LAMA1: variants seen among roughly 807,000 people sequenced by gnomAD.
LAMA1 encodes laminin subunit alpha 1, also known as laminin subunit alpha-1.
A neutral mutation model predicts 348.7 loss-of-function variants in LAMA1; 219 were observed. That is an observed-to-expected ratio of 0.63 (90% confidence interval 0.56 to 0.70). LAMA1 has a LOEUF of 0.70. Among genes scored for constraint, LAMA1 ranks in the 30% least tolerant of loss-of-function variants. The pLI, the probability that LAMA1 is intolerant of heterozygous loss-of-function variation, is 0.00. For missense variants in LAMA1, 3,744 were observed against 3,888.0 expected (o/e 0.96, Z 0.99); for synonymous variants, 1,487 against 1,491.0 (o/e 1.00, Z 0.06).
chr18:6,993,736 GC>G lies in LAMA1; in HGVS notation c.4912del (p.Ala1638ArgfsTer6). 1 of 1,609,252 alleles carries G rather than the reference GC, an allele frequency of 6.2e-7. No individual in the cohort carries two copies. The highest frequency in any genetic ancestry group is 8.5e-7 in the Non-Finnish European group (1 of 1,175,550). ...NLQKKLTRML[A>X]STQKVNRATE... is the part of the protein sequence containing the mutation. ...TGCCCTATTCACCTTTTGGGTACTC[GC>G]TAACATCCTAGTGAGCTGGTGGAAA... On this transcript the variant is annotated frameshift_variant, in exon 35 of 63. Coordinates refer to ENST00000389658, the MANE Select transcript of LAMA1 (RefSeq NM_005559.4). LOFTEE classifies it high-confidence loss of function.
chr18:7,035,938 GC>G, intron 13 of LAMA1, 48 bp downstream of exon 13: 1 of 1,443,120 alleles, frequency 6.9e-7, no homozygotes, highest in South Asian at 1.1e-5. Context: ...TAAACTATCA[GC>G]CCACTAAGCC....
intron 3 of LAMA1, among the ~76,000 whole-genome samples, chr18:7,064,042 T>C (rs2058112836): frequency 6.6e-6 from 1 of 152,114 alleles, no homozygotes; most frequent in Admixed American, 6.5e-5. Flanking sequence ...CTCCCCCTGC[T>C]GATGTCTAGT....
In LAMA1 at chr18:7,094,938, TGAA is replaced by T. The variant is rs1465004776; in HGVS notation, c.62-14484_62-14482del. Among the ~76,000 whole-genome samples the T allele has an allele frequency of 3.3e-5, 5 of 152,350 alleles. No homozygotes were observed. In the South Asian group the frequency reaches 8.3e-4, roughly 25 times the overall value. On this transcript the variant is annotated intron_variant, in intron 1 of 62. Transcript: ENST00000389658. ...AACCTATAAACATTTTTCGAGAAAT[TGAA>T]GAAGTTCTAAATGAATAAAAAGATA... is the stretch of plus-strand genomic sequence containing the variant.
At chr18:7,020,285 C>T (rs113583999) in intron 19 of LAMA1, among the ~76,000 whole-genome samples, 2,163 of 152,240 alleles carry the variant, frequency 0.014, 43 homozygotes, top group African/African-American at 0.049. Flanking sequence ...GTGAACCTGA[C>T]GATCAGTTTC....
At chr18:7,037,542 C>G in intron 12 of LAMA1, 36 bp downstream of exon 12, 2 of 1,612,250 alleles carry the variant, frequency 1.2e-6, no homozygotes, top group Non-Finnish European at 1.7e-6. Context: ...CTGAGATCTT[C>G]ATCTGAGACA....
chr18:7,031,821 A>T (rs1290612903), intron 16 of LAMA1, among the ~76,000 whole-genome samples: 1 of 151,946 alleles, frequency 6.6e-6, no homozygotes, highest in Non-Finnish European at 1.5e-5. Flanking sequence ...TAATCTAATA[A>T]AAAGAACTAT....
chr18:7,088,089 C>T (rs2058224812), intron 1 of LAMA1, among the ~76,000 whole-genome samples: 1 of 152,060 alleles, frequency 6.6e-6, no homozygotes, highest in Non-Finnish European at 1.5e-5. Context: ...AAGCACATAC[C>T]TCGAAATAGA....
At chr18:6,943,958 G>A (rs1206147525) in intron 61 of LAMA1, among the ~76,000 whole-genome samples, 1 of 152,068 alleles carries the variant, frequency 6.6e-6, no homozygotes, top group African/African-American at 2.4e-5. Context: ...CTTAAATGAG[G>A]GCCTCAATTT....
Position 6,985,649 on chromosome 18 carries a change from G to A in LAMA1, c.5380-6C>T, listed in dbSNP as rs1335935272. On this transcript the variant is annotated splice_polypyrimidine_tract_variant and splice_region_variant and intron_variant, in intron 37 of 62. Transcript: ENST00000389658. ...TGAACATGCAGCTTTTTATCCTGCAGCAGAAACGGCATTTTAAGGGTGCTT... is the reference window on the plus strand; with the variant it reads ...TGAACATGCAGCTTTTTATCCTGCAACAGAAACGGCATTTTAAGGGTGCTT... 10 of 1,602,160 alleles carry A rather than the reference G, an allele frequency of 6.2e-6. No individual in the cohort carries two copies. The highest frequency in any genetic ancestry group is 7.7e-6 in the Non-Finnish European group (9 of 1,169,412).
rs202157653 is a variant in LAMA1 at position 7,037,598 on chromosome 18, C to T, written c.1717G>A (p.Glu573Lys). The stretch of plus-strand genomic sequence containing the variant: ...CGCACCTTATTTCCAAGGTAGGCCT[C>T]GGGGGCTGCCCAGTAGTACTTGGGA... ...LAPKYYWAAPEAYLGNKLTAF... is the reference protein window; with the variant it reads ...LAPKYYWAAPKAYLGNKLTAF... The change falls in exon 12 of 63, where the codon GAG becomes AAG. Residue 573 changes from glutamate (E) to lysine (K), a missense_variant. By Grantham distance (56) the Glu-to-Lys change is moderately conservative (BLOSUM62 1). Transcript: ENST00000389658. 12 of 1,614,040 alleles carry T rather than the reference C, an allele frequency of 7.4e-6. No individual in the cohort carries two copies. The African/African-American group carries it at 8.0e-5, about 11-fold the overall frequency.
At chr18:7,031,572 T>TG (rs2057969232) in intron 16 of LAMA1, among the ~76,000 whole-genome samples, 1 of 151,868 alleles carries the variant, frequency 6.6e-6, no homozygotes, top group African/African-American at 2.4e-5. Context: ...CTCAGCTACT[T>TG]GGAGGGTTGA....
intron 53 of LAMA1, chr18:6,959,708 GATTTCAAAC>G (rs2057598240): frequency 1.8e-6 from 1 of 557,644 alleles, no homozygotes; most frequent in Admixed American, 2.7e-5. Context: ...TATTGCTGAA[GATTTCAAAC>G]ATTTCCATTC....
At chr18:6,961,552 G>A (rs371359562) in intron 53 of LAMA1, 34 bp downstream of exon 53, 51 of 1,611,536 alleles carry the variant, frequency 3.2e-5, no homozygotes, top group Admixed American at 2.0e-4. Context: ...GTAATTTCCT[G>A]AGCTTGGGGC....
At chr18:7,041,759 T>C (rs935930994) in intron 9 of LAMA1, among the ~76,000 whole-genome samples, 1 of 152,224 alleles carries the variant, frequency 6.6e-6, no homozygotes. Flanking sequence ...CTGGGCCTTA[T>C]TTCTTCCTTC....
intron 18 of LAMA1, among the ~76,000 whole-genome samples, chr18:7,024,157 G>A (rs1410361023): frequency 1.3e-5 from 2 of 152,070 alleles, no homozygotes; most frequent in Admixed American, 6.5e-5. Context: ...TGTTCTTGAT[G>A]AGAACTCAGA....
chr18:7,015,051 T>C (rs28496945), intron 22 of LAMA1, among the ~76,000 whole-genome samples: 46,239 of 151,964 alleles, frequency 0.3, 7,233 homozygotes, highest in Middle Eastern at 0.4. Context: ...GGTTTCACCG[T>C]GTTAGCCAGG....
At chr18:7,024,176 G>A (rs1469652562) in intron 18 of LAMA1, among the ~76,000 whole-genome samples, 1 of 152,024 alleles carries the variant, frequency 6.6e-6, no homozygotes, top group Non-Finnish European at 1.5e-5. Flanking sequence ...GATTAGCCAG[G>A]AAAAGAGTAC....
chr18:7,038,119 T>C (rs2058003530), intron 11 of LAMA1, among the ~76,000 whole-genome samples: 1 of 152,214 alleles, frequency 6.6e-6, no homozygotes, highest in Non-Finnish European at 1.5e-5. Flanking sequence ...CCCTGCTTTT[T>C]ACCCAAATGT....
rs754437466 is a variant in LAMA1, at chr18:7,046,245, A to C, written c.858+33T>G. ...ATTATAGCTACAATTTCTGTTTTGA[A>C]GTTTTAGTAAAATGTGAAATACTAG... On this transcript the variant is annotated intron_variant, in intron 6 of 62. Transcript: ENST00000389658. The C allele has an allele frequency of 2.9e-6, 4 of 1,361,178 alleles. No homozygotes were observed. The African/African-American group carries it at 5.7e-5, about 19-fold the overall frequency. The allele number at this position is 1,361,178 out of a possible 1,614,324, so 84.3% of individuals were successfully genotyped here.
Sources: gnomAD v4.1 joint callset for allele counts (sites outside exome capture counted in the v4.1 genomes callset) on GRCh38, gnomAD v4.1.1 for gene constraint, MANE v1.5 for transcripts, NCBI Gene and HGNC (gene_info 2026-07-23, HGNC 2026-07-21) for gene names.